The following KLHL15 variants were observed in gnomAD, a reference collection of about 807,000 sequenced individuals.
The protein encoded by KLHL15 is kelch like family member 15.
KLHL15 carries 1 observed loss-of-function variant against 29.3 expected under a neutral mutation model. The observed-to-expected ratio is 0.03, with a 90% CI of 0.01 to 0.16. KLHL15 has a LOEUF of 0.16. Ranked by LOEUF, KLHL15 falls within the 10% of genes least tolerant of loss-of-function variation. KLHL15 has a pLI of 1.00. For missense variants in KLHL15, 215 were observed against 478.5 expected (o/e 0.45, Z 5.14); for synonymous variants, 212 against 184.5 (o/e 1.15, Z -1.21).
At position 23,985,191 on chromosome X, in the gene KLHL15, G is replaced by A. The variant is rs1928963816; in HGVS notation, c.*2730C>T. On this transcript the variant is annotated 3_prime_UTR_variant, in exon 4 of 4. Transcript: ENST00000328046. The stretch of plus-strand genomic sequence containing the variant: ...TGAACTCTGGCATTTGAGATATAAA[G>A]TGAAAACAACACGCATAAAGGTCAT... 9.0e-6 allele frequency: 1 copy of A among 111,571 alleles called. No homozygotes were observed. The highest frequency in any genetic ancestry group is 3.3e-5 in the African/African-American group (1 of 30,725). 9.2% of individuals were successfully genotyped at this position (111,571 alleles called of 1,213,427 possible).
chrX:24,003,957 TA>T (rs373003607), intron 3 of KLHL15, among the ~76,000 whole-genome samples: 1,511 of 86,006 alleles, frequency 0.018, 32 homozygotes, highest in African/African-American at 0.054. Flanking sequence ...AAAAGTATAC[TA>T]AAAAAAAAAA....
At chrX:24,019,644 AACACACAC>A (rs200893692) in intron 2 of KLHL15, among the ~76,000 whole-genome samples, 3 of 107,161 alleles carry the variant, frequency 2.8e-5, no homozygotes, top group African/African-American at 1.0e-4. Context: ...GATAAGTGAC[AACACACAC>A]ACACACACAC....
chrX:24,008,300 GCA>G (rs1307941743), intron 2 of KLHL15, among the ~76,000 whole-genome samples: 1 of 112,013 alleles, frequency 8.9e-6, no homozygotes, highest in Non-Finnish European at 1.9e-5. Context: ...GAGTGCAGTG[GCA>G]CAATCTCGGC....
intron 2 of KLHL15, among the ~76,000 whole-genome samples, chrX:24,010,080 G>GT (rs1213946149): frequency 9.2e-6 from 1 of 109,113 alleles, no homozygotes; most frequent in Non-Finnish European, 1.9e-5. Context: ...TCCAAAAACT[G>GT]TAAGTCAAAA....
In KLHL15 at chrX:23,987,248, T is replaced by A. The variant is rs1299665160; in HGVS notation, c.*673A>T. ...AATTCAACAAGTATGGCGAACTGTG[T>A]GTGCAAGTAAGTGCACTAGCTTAAA... On this transcript the variant is annotated 3_prime_UTR_variant, in exon 4 of 4. Coordinates refer to ENST00000328046, the MANE Select transcript of KLHL15 (RefSeq NM_030624.3). The A allele has an allele frequency of 8.9e-6, 1 of 111,970 alleles. No homozygotes were observed. Among genetic ancestry groups the A allele is most frequent in the Non-Finnish European group, 1.9e-5 (1 of 53,183 alleles). 9.2% of individuals were successfully genotyped at this position (111,970 alleles called of 1,213,427 possible). A position where few individuals can be genotyped will look rare whatever the true frequency, so the allele number is the denominator to read the frequency against.
At position 23,988,728 on chromosome X, in the gene KLHL15, C is replaced by A; in HGVS notation, c.1008G>T (p.Glu336Asp). 1 of 1,211,867 alleles carries A rather than the reference C, an allele frequency of 8.3e-7. No individual in the cohort carries two copies. Among genetic ancestry groups the A allele is most frequent in the Non-Finnish European group, 1.1e-6 (1 of 895,566 alleles). ...NNFVFLLGGE[E>D]LGPDGEFHAS... ...CATGGAATTCACCATCCGGGCCCAGCTCTTCCCCGCCTAACAGGAACACAA... is the reference window on the plus strand; with the variant it reads ...CATGGAATTCACCATCCGGGCCCAGATCTTCCCCGCCTAACAGGAACACAA... The change falls in exon 4 of 4, where the codon GAG (glutamate) becomes GAT (aspartate). Residue 336 changes from glutamate (E) to aspartate (D), a missense_variant. Glu to Asp is a conservative substitution (Grantham distance 45). Transcript: ENST00000328046.
chrX:24,024,386 C>T (rs1202574985), intron 2 of KLHL15, among the ~76,000 whole-genome samples: 1 of 112,226 alleles, frequency 8.9e-6, no homozygotes, highest in African/African-American at 3.2e-5. Flanking sequence ...ATTATTTTCA[C>T]ATATATGACC....
At chrX:24,015,071 G>C (rs953586882) in intron 2 of KLHL15, among the ~76,000 whole-genome samples, 1 of 112,033 alleles carries the variant, frequency 8.9e-6, no homozygotes, top group African/African-American at 3.2e-5. Flanking sequence ...CTTGGGTTCT[G>C]AGAGAACCTT....
intron 3 of KLHL15, among the ~76,000 whole-genome samples, chrX:24,001,606 C>T (rs1345889711): frequency 1.9e-5 from 2 of 104,898 alleles, no homozygotes; most frequent in Non-Finnish European, 3.9e-5. Context: ...GAGTTTGAGA[C>T]CAGCCTGGCC....
chrX:23,993,057 C>CTAA (rs35358831), intron 3 of KLHL15, among the ~76,000 whole-genome samples: 39,356 of 110,398 alleles, frequency 0.36, 5,832 homozygotes, highest in East Asian at 0.57. Context: ...CCATTCTTAG[C>CTAA]TAATGTCTTA....
At chrX:24,000,516 A>G (rs1298790209) in intron 3 of KLHL15, among the ~76,000 whole-genome samples, 1 of 111,883 alleles carries the variant, frequency 8.9e-6, no homozygotes, top group East Asian at 2.8e-4. Context: ...CAAACACAGC[A>G]CTGCTTATAT....
rs758563605 is a variant in KLHL15 at position 24,000,208 on chromosome X, G to A, written c.705+5781C>T. On this transcript the variant is annotated intron_variant, in intron 3 of 3. Coordinates refer to ENST00000328046, the MANE Select transcript of KLHL15 (RefSeq NM_030624.3). ...TATCTTTTAAAAAGTTGGCCCGGCC[G>A]GGTATGGTGGCTCACACCTGTAATC... Among the ~76,000 whole-genome samples, 13 of 111,897 alleles carry A rather than the reference G, an allele frequency of 1.2e-4. No homozygotes were observed. The South Asian group carries it at 1.5e-3, about 13-fold the overall frequency.
At chrX:24,007,509 ATATATATATAT>A (rs1175741053) in intron 2 of KLHL15, among the ~76,000 whole-genome samples, 1 of 34,735 alleles carries the variant, frequency 2.9e-5, no homozygotes, top group African/African-American at 2.2e-4. Flanking sequence ...AAAAAAAAAA[ATATATATATAT>A]ATATATATAT....
At chrX:23,991,762 C>T (rs1018360209) in intron 3 of KLHL15, among the ~76,000 whole-genome samples, 5 of 111,728 alleles carry the variant, frequency 4.5e-5, no homozygotes, top group African/African-American at 1.6e-4. Context: ...TCACTTGAAC[C>T]TGGGAGGCGG....
At chrX:24,019,284 T>C (rs971252037) in intron 2 of KLHL15, among the ~76,000 whole-genome samples, 1 of 112,134 alleles carries the variant, frequency 8.9e-6, no homozygotes, top group Non-Finnish European at 1.9e-5. Context: ...ATTTATTTTT[T>C]GAGACAGTCT....
At chrX:24,009,688 A>C (rs1296804237) in intron 2 of KLHL15, among the ~76,000 whole-genome samples, 2 of 60,202 alleles carry the variant, frequency 3.3e-5, no homozygotes, top group African/African-American at 4.6e-4. Context: ...TCCATTTTCA[A>C]AAAAAAAAAA....
intron 2 of KLHL15, among the ~76,000 whole-genome samples, chrX:24,016,494 T>C (rs1347627393): frequency 9.3e-6 from 1 of 107,954 alleles, no homozygotes; most frequent in Non-Finnish European, 1.9e-5. Context: ...CAAAACCCCA[T>C]CTCTACTACA....
intron 2 of KLHL15, among the ~76,000 whole-genome samples, chrX:24,018,819 T>C (rs965165614): frequency 2.7e-5 from 3 of 111,165 alleles, no homozygotes; most frequent in Non-Finnish European, 3.8e-5. Flanking sequence ...CTGGTCAATA[T>C]GGTGAAACCC....
intron 2 of KLHL15, among the ~76,000 whole-genome samples, chrX:24,010,817 CCTT>C (rs1929558034): frequency 1.8e-5 from 2 of 111,261 alleles, no homozygotes; most frequent in South Asian, 3.8e-4. Flanking sequence ...CTCTACACCT[CCTT>C]CTTTAGGGAG....
Sources: gnomAD v4.1 joint callset for allele counts (sites outside exome capture counted in the v4.1 genomes callset) on GRCh38, gnomAD v4.1.1 for gene constraint, MANE v1.5 for transcripts, NCBI Gene and HGNC (gene_info 2026-07-23, HGNC 2026-07-21) for gene names.